NPIPA1: variants seen among roughly 807,000 people sequenced by gnomAD.
The protein encoded by NPIPA1 is nuclear pore complex-interacting protein family member A1.
For synonymous variants in NPIPA1, 7 were observed against 88.0 expected (o/e 0.08, Z 5.15); for missense variants, 22 against 232.2 (o/e 0.09, Z 5.88).
At chr16:14,944,147 GA>G (rs1211161513) in intron 2 of NPIPA1, among the ~76,000 whole-genome samples, 2 of 152,102 alleles carry the variant, frequency 1.3e-5, no homozygotes, top group Admixed American at 6.5e-5. Context: ...TCCGTCTCAA[GA>G]AAAAAGTCAT....
At chr16:14,946,982 C>T (rs1338985045) in intron 4 of NPIPA1, among the ~76,000 whole-genome samples, 4 of 151,988 alleles carry the variant, frequency 2.6e-5, no homozygotes, top group Admixed American at 1.3e-4. Context: ...CGTGAGCCAC[C>T]GTGCCCAGCC....
At chr16:14,940,291 T>G (rs1275653376) in intron 1 of NPIPA1, among the ~76,000 whole-genome samples, 1 of 146,316 alleles carries the variant, frequency 6.8e-6, no homozygotes, top group African/African-American at 2.5e-5. Context: ...ATGCTGAGCT[T>G]TAAATGACAA....
At chr16:14,948,090 G>A (rs1965935158) in intron 4 of NPIPA1, among the ~76,000 whole-genome samples, 1 of 152,214 alleles carries the variant, frequency 6.6e-6, no homozygotes, top group Non-Finnish European at 1.5e-5. Context: ...ATAAAACCAA[G>A]TATCAGGTGA....
At chr16:14,948,367 G>GT (rs1965943895) in intron 4 of NPIPA1, among the ~76,000 whole-genome samples, 1 of 152,204 alleles carries the variant, frequency 6.6e-6, no homozygotes, top group Non-Finnish European at 1.5e-5. Flanking sequence ...GATGACAAGA[G>GT]TTCCAGTCCT....
intron 2 of NPIPA1, among the ~76,000 whole-genome samples, chr16:14,942,951 G>A (rs1263642787): frequency 6.6e-6 from 1 of 152,278 alleles, no homozygotes; most frequent in African/African-American, 2.4e-5. Context: ...ATACCACAAT[G>A]CTTTTTGATA....
chr16:14,943,884 C>G (rs1242034387), intron 2 of NPIPA1, among the ~76,000 whole-genome samples: 19 of 151,052 alleles, frequency 1.3e-4, no homozygotes, highest in Non-Finnish European at 2.2e-4. Context: ...TGTGGTGGCT[C>G]ATGCCTGTAA....
chr16:14,944,980 C>T (rs1308811195), intron 2 of NPIPA1, among the ~76,000 whole-genome samples: 13 of 147,974 alleles, frequency 8.8e-5, no homozygotes, highest in Admixed American at 7.6e-4. Context: ...GGCACAATCT[C>T]AGCTCAACAC....
chr16:14,941,346 A>G (rs2151076637), intron 1 of NPIPA1, among the ~76,000 whole-genome samples: 2 of 139,856 alleles, frequency 1.4e-5, no homozygotes, highest in African/African-American at 2.7e-5. Context: ...GAGGCAGGAG[A>G]ATGGCTTGAG....
intron 2 of NPIPA1, among the ~76,000 whole-genome samples, chr16:14,945,232 G>T (rs1435259880): frequency 7.1e-6 from 1 of 141,094 alleles, no homozygotes; most frequent in Non-Finnish European, 1.5e-5. Flanking sequence ...TGTGTGGTGT[G>T]TGTGTGTGTG....
Position 14,945,267 on chromosome 16 carries a change from T to TGTGTGTGTGA in NPIPA1, c.193-306_193-305insTGTGTGTGAG, listed in dbSNP as rs1349396254. The stretch of plus-strand genomic sequence containing the variant: ...GTGTGTGTGTGTGTGTGTGTGTGTG[T>TGTGTGTGTGA]GAGACAGAGTCTCATTCTGTCACTC... On this transcript the variant is annotated intron_variant, in intron 2 of 7. Coordinates refer to ENST00000328085, the MANE Select transcript of NPIPA1 (RefSeq NM_006985.4). Among the ~76,000 whole-genome samples the TGTGTGTGTGA allele has an allele frequency of 6.5e-4, 86 of 132,130 alleles. 2 individuals carry two copies. The highest frequency in any genetic ancestry group is 4.1e-3 in the Middle Eastern group (1 of 242). The allele number at this position is 132,130 out of a possible 152,430, so 86.7% of individuals were successfully genotyped here.
intron 2 of NPIPA1, among the ~76,000 whole-genome samples, chr16:14,943,583 C>T (rs1353054427): frequency 1.3e-5 from 2 of 148,764 alleles, no homozygotes; most frequent in African/African-American, 4.9e-5. Context: ...ACCATTACCT[C>T]CTAAGCAGGG....
At chr16:14,948,507 G>A (rs1217143845) in intron 4 of NPIPA1, among the ~76,000 whole-genome samples, 1 of 152,220 alleles carries the variant, frequency 6.6e-6, no homozygotes, top group Non-Finnish European at 1.5e-5. Context: ...CACAGGAGAA[G>A]TCAGATGAGG....
At chr16:14,948,665 CTT>C (rs1965952064) in intron 4 of NPIPA1, among the ~76,000 whole-genome samples, 1 of 146,308 alleles carries the variant, frequency 6.8e-6, no homozygotes, top group Non-Finnish European at 1.5e-5. Context: ...TTTTAATAGT[CTT>C]TATATTTACT....
chr16:14,943,136 G>A (rs1704314108), intron 2 of NPIPA1, among the ~76,000 whole-genome samples: 5 of 150,560 alleles, frequency 3.3e-5, no homozygotes, highest in Admixed American at 3.3e-4. Flanking sequence ...GGTATAAATT[G>A]GAGGAAGCTT....
rs1372986990 is a variant in NPIPA1 at position 14,945,229 on chromosome 16, T to G, written c.193-345T>G. Among the ~76,000 whole-genome samples, 62 of 136,972 alleles carry G rather than the reference T, an allele frequency of 4.5e-4. 2 individuals carry two copies. Among genetic ancestry groups the G allele is most frequent in the African/African-American group, 1.7e-3 (61 of 35,162 alleles). The allele number at this position is 136,972 out of a possible 152,430, so 89.9% of individuals were successfully genotyped here. ...CCAGCCTCATGTCATTCTTGTGTGG[T>G]GTGTGTGTGTGTGTGTGTGTGTGTG... On this transcript the variant is annotated intron_variant, in intron 2 of 7. Transcript: ENST00000328085.
chr16:14,943,221 A>G (rs1263107354), intron 2 of NPIPA1, among the ~76,000 whole-genome samples: 1 of 150,672 alleles, frequency 6.6e-6, no homozygotes, highest in East Asian at 2.0e-4. Flanking sequence ...TAATGGTGTG[A>G]TCTCGGCTCA....
chr16:14,943,266 C>T (rs1438614344), intron 2 of NPIPA1, among the ~76,000 whole-genome samples: 2 of 151,854 alleles, frequency 1.3e-5, no homozygotes, highest in Admixed American at 1.3e-4. Context: ...AAGTGATTCC[C>T]CTGCCTCAGC....
intron 2 of NPIPA1, among the ~76,000 whole-genome samples, chr16:14,945,227 G>GTGGTGT (rs748459839): frequency 2.2e-5 from 3 of 137,812 alleles, no homozygotes; most frequent in African/African-American, 5.6e-5. Flanking sequence ...ATTCTTGTGT[G>GTGGTGT]GTGTGTGTGT....
chr16:14,944,910 T>A lies in NPIPA1; in HGVS notation c.193-664T>A, dbSNP rs1240177791. 1.7e-4 allele frequency among the ~76,000 whole-genome samples: 25 copies of A among 148,002 alleles called. No homozygotes were observed. The East Asian group carries it at 2.1e-3, about 12-fold the overall frequency. On this transcript the variant is annotated intron_variant, in intron 2 of 7. Transcript: ENST00000328085. Reference sequence around the variant, plus strand: ...TGAGCTACCGCACCTGGCCTATATTTTTTTTTTTTTTTTTTTTTGAGACAG... The same window carrying A: ...TGAGCTACCGCACCTGGCCTATATTATTTTTTTTTTTTTTTTTTGAGACAG...
Sources: allele counts gnomAD v4.1 joint callset (sites outside exome capture counted in the v4.1 genomes callset), GRCh38; gene constraint gnomAD v4.1.1; transcripts MANE v1.5; gene names NCBI Gene and HGNC (gene_info 2026-07-23, HGNC 2026-07-21).